Variants in SKP1 observed in about 807,000 individuals in gnomAD.
SKP1 encodes S-phase kinase-associated protein 1.
A neutral mutation model predicts 21.5 loss-of-function variants in SKP1; 1 was observed. The observed-to-expected ratio is 0.05, with a 90% CI of 0.02 to 0.22. SKP1 has a LOEUF of 0.22. Ranked by LOEUF, SKP1 falls within the 10% of genes least tolerant of loss-of-function variation. The pLI is 1.00. For missense variants in SKP1, 70 were observed against 192.0 expected (o/e 0.36, Z 3.76); for synonymous variants, 59 against 59.3 (o/e 0.99, Z 0.03).
rs1362006154 is a variant in SKP1 at position 134,151,741 on chromosome 5, A to C, written c.*5992T>G. The C allele has an allele frequency of 6.6e-6, 3 of 455,596 alleles. No homozygotes were observed. Among genetic ancestry groups the C allele is most frequent in the South Asian group, 4.7e-5 (3 of 64,510 alleles). The allele number at this position is 455,596 out of a possible 1,614,324, so 28.2% of individuals were successfully genotyped here. A position where few individuals can be genotyped will look rare whatever the true frequency, so the allele number is the denominator to read the frequency against. On this transcript the variant is annotated 3_prime_UTR_variant, in exon 6 of 6. Transcript: ENST00000353411. ...TGTTATGAGCAACTACATTCCTCCC[A>C]TAGAATGCTGCTCAATACTGGCACA...
intron 2 of SKP1, among the ~76,000 whole-genome samples, chr5:134,170,325 T>TAA (rs1326706778): frequency 6.6e-6 from 1 of 152,190 alleles, no homozygotes; most frequent in Non-Finnish European, 1.5e-5. Flanking sequence ...CTCTAGCATT[T>TAA]AAAGTAAGGA....
At chr5:134,166,997 A>G (rs1761345062) in intron 3 of SKP1, among the ~76,000 whole-genome samples, 173 bp downstream of exon 3, 1 of 152,234 alleles carries the variant, frequency 6.6e-6, no homozygotes, top group Non-Finnish European at 1.5e-5. Context: ...TTTTTTCTGT[A>G]TATTTTAAGA....
intron 2 of SKP1, among the ~76,000 whole-genome samples, chr5:134,172,373 A>G (rs1018590276): frequency 5.3e-5 from 8 of 152,254 alleles, no homozygotes; most frequent in Non-Finnish European, 1.2e-4. Flanking sequence ...TAAGTACTAA[A>G]GAACACTCAA....
At chr5:134,162,700 G>T (rs1761242488) in intron 3 of SKP1, among the ~76,000 whole-genome samples, 1 of 151,880 alleles carries the variant, frequency 6.6e-6, no homozygotes, top group South Asian at 2.1e-4. Context: ...GGTTTTTAAT[G>T]AAATAAATAA....
intron 2 of SKP1, among the ~76,000 whole-genome samples, chr5:134,171,476 C>G (rs1347206093): frequency 6.6e-6 from 1 of 152,208 alleles, no homozygotes; most frequent in Non-Finnish European, 1.5e-5. Context: ...AACAAGTCTA[C>G]TTATCTCTAG....
chr5:134,161,139 A>G lies in SKP1; in HGVS notation c.172-9T>C. 1 of 1,586,620 alleles carries G rather than the reference A, an allele frequency of 6.3e-7. No individual in the cohort carries two copies. The highest frequency in any genetic ancestry group is 8.6e-7 in the Non-Finnish European group (1 of 1,165,236). On this transcript the variant is annotated splice_polypyrimidine_tract_variant and intron_variant, in intron 3 of 5. Transcript: ENST00000353411. ...GTGCACCACTGAATGACCTACAACA[A>G]CAAAAGTTCATTCCTCTGTGGCACT...
rs565570786 is a variant in SKP1, at chr5:134,151,031, A to T, written c.*6702T>A. ...GGAAAACTTATGTCCTGGGGGTGGG[A>T]ACTATACTATCACAAGCAGTCCTCA... On this transcript the variant is annotated 3_prime_UTR_variant, in exon 6 of 6. Transcript: ENST00000353411. 1 of 152,360 alleles carries T rather than the reference A, an allele frequency of 6.6e-6. No homozygotes were observed. Among genetic ancestry groups the T allele is most frequent in the South Asian group, 2.1e-4 (1 of 4,826 alleles). The allele number at this position is 152,360 out of a possible 1,614,324, so 9.4% of individuals were successfully genotyped here.
At position 134,162,639 on chromosome 5, in the gene SKP1, G is replaced by C. The variant is rs1270574451; in HGVS notation, c.172-1509C>G. ...TGACCTCAGATGATCCACCCCCCTT[G>C]GCTTCCCAAAGTGCTGGGATTACAG... On this transcript the variant is annotated intron_variant, in intron 3 of 5. Coordinates refer to ENST00000353411, the MANE Select transcript of SKP1 (RefSeq NM_170679.3). Among the ~76,000 whole-genome samples, 4 of 151,922 alleles carry C rather than the reference G, an allele frequency of 2.6e-5. No homozygotes were observed. The East Asian group carries it at 7.7e-4, about 29-fold the overall frequency.
At chr5:134,157,854 C>G (rs1028360885) in intron 5 of SKP1, 86 bp from the exon 6 acceptor site, 5 of 1,609,928 alleles carry the variant, frequency 3.1e-6, no homozygotes, top group Middle Eastern at 1.7e-4. Context: ...TCATCGATAG[C>G]CAGTGAGTTG....
intron 3 of SKP1, among the ~76,000 whole-genome samples, chr5:134,165,204 G>C (rs1035229562): frequency 1.3e-5 from 2 of 152,052 alleles, no homozygotes; most frequent in Non-Finnish European, 2.9e-5. Context: ...TCACTGAATG[G>C]TGCACGTTCA....
Position 134,173,965 on chromosome 5 carries a change from T to C in SKP1, c.58A>G (p.Ile20Val). 1 of 1,611,822 alleles carries C rather than the reference T, an allele frequency of 6.2e-7. No homozygotes were observed. The change falls in exon 2 of 6, where the codon ATT becomes GTT. Residue 20 changes from isoleucine to valine, a missense_variant. Around this residue, in one of 4 missense-constraint regions of SKP1, gnomAD observed 21 missense variants for 23.4 expected, o/e 0.90. Transcript: ENST00000353411. ...DGEIFEVDVE[I>V]AKQSVTIKTM... ...TTAATAGTCACAGATTGTTTGGCAA[T>C]TTCCACATCAACTTCAAATATCTCT...
At chr5:134,173,374 C>A in intron 2 of SKP1, 1 of 188,596 alleles carries the variant, frequency 5.3e-6, no homozygotes, top group Admixed American at 5.5e-5. Context: ...GCCTGTAGTC[C>A]CAGTTATTCG....
chr5:134,159,030 G>A (rs1324260054), intron 4 of SKP1, among the ~76,000 whole-genome samples: 1 of 152,060 alleles, frequency 6.6e-6, no homozygotes, highest in Non-Finnish European at 1.5e-5. Flanking sequence ...ATTGATTTCT[G>A]CCCTTTAATA....
chr5:134,159,830 A>T (rs1170173638), intron 4 of SKP1, among the ~76,000 whole-genome samples: 1 of 151,728 alleles, frequency 6.6e-6, no homozygotes, highest in Non-Finnish European at 1.5e-5. Context: ...TATAGGCGTG[A>T]GCCACCGCGC....
intron 3 of SKP1, among the ~76,000 whole-genome samples, chr5:134,166,062 T>A (rs547063030): frequency 1.3e-3 from 200 of 150,376 alleles, no homozygotes; most frequent in Admixed American, 2.5e-3. Flanking sequence ...TGGGCATCTG[T>A]AATCCTAGCT....
chr5:134,158,134 C>A, intron 5 of SKP1: 1 of 1,373,956 alleles, frequency 7.3e-7, no homozygotes, highest in Admixed American at 2.9e-5. Flanking sequence ...GTATATACTT[C>A]TCTCTAGGGC....
intron 3 of SKP1, among the ~76,000 whole-genome samples, chr5:134,165,908 G>C (rs1215495070): frequency 6.9e-6 from 1 of 144,190 alleles, no homozygotes; most frequent in Non-Finnish European, 1.5e-5. Flanking sequence ...AAAAAATTCA[G>C]GTTAGCCAGG....
At chr5:134,171,073 G>C (rs1401139181) in intron 2 of SKP1, 2 of 454,622 alleles carry the variant, frequency 4.4e-6, no homozygotes, top group East Asian at 1.4e-4. Context: ...CAACTTAATA[G>C]AAGTTATCTT....
At position 134,159,146 on chromosome 5, in the gene SKP1, T is replaced by C. The variant is rs115710517; in HGVS notation, c.316-551A>G. On this transcript the variant is annotated intron_variant, in intron 4 of 5. Coordinates refer to ENST00000353411, the MANE Select transcript of SKP1 (RefSeq NM_170679.3). The stretch of plus-strand genomic sequence containing the variant: ...TTTTCTTCTTTTCTAATAATATAGG[T>C]ATTTCATTCCATCAATTTCCCTCTA... 6.7e-3 allele frequency among the ~76,000 whole-genome samples: 1,020 copies of C among 152,310 alleles called. 9 individuals carry two copies. The highest frequency in any genetic ancestry group is 0.023 in the African/African-American group (945 of 41,570).
Sources: gnomAD v4.1 joint callset for allele counts (sites outside exome capture counted in the v4.1 genomes callset) on GRCh38, gnomAD v4.1.1 for gene constraint, gnomAD v4.1.1 regional missense constraint, MANE v1.5 for transcripts, NCBI Gene and HGNC (gene_info 2026-07-23, HGNC 2026-07-21) for gene names.